The following RCC1L variants were observed in gnomAD, a reference collection of about 807,000 sequenced individuals.
RCC1L encodes RCC1-like G exchanging factor-like protein.
A neutral mutation model predicts 58.6 loss-of-function variants in RCC1L; 46 were observed. The ratio of observed to expected loss-of-function variants is 0.79; its 90% CI spans 0.62 to 1.00. RCC1L has a LOEUF of 1.00. Ranked by LOEUF, RCC1L falls within the 50% of genes least tolerant of loss-of-function variation. The pLI, the probability that RCC1L is intolerant of heterozygous loss-of-function variation, is 0.00. For missense variants in RCC1L, 636 were observed against 623.6 expected (o/e 1.02, Z -0.21); for synonymous variants, 281 against 262.9 (o/e 1.07, Z -0.67).
Position 75,053,291 on chromosome 7 carries a change from G to A in RCC1L, c.1232-495C>T, listed in dbSNP as rs1805977301. Among the ~76,000 whole-genome samples the A allele has an allele frequency of 2.0e-5, 3 of 151,558 alleles. No homozygotes were observed. In the South Asian group the frequency reaches 6.3e-4, roughly 32 times the overall value. ...CATGGAGCTGGGGTCTGGGGGTGGTGCACGGGGCTGGAGGTCACTGATGCA... is the reference window on the plus strand; with the variant it reads ...CATGGAGCTGGGGTCTGGGGGTGGTACACGGGGCTGGAGGTCACTGATGCA... On this transcript the variant is annotated intron_variant, in intron 9 of 10. Transcript: ENST00000610322.
At chr7:75,055,640 G>A (rs1314620298) in intron 9 of RCC1L, 2 of 508,854 alleles carry the variant, frequency 3.9e-6, no homozygotes, top group Non-Finnish European at 7.2e-6. Context: ...ACCGACGGGT[G>A]CTCTCTTGAG....
intron 10 of RCC1L, among the ~76,000 whole-genome samples, chr7:75,035,950 A>C (rs2131970046): frequency 6.6e-6 from 1 of 152,072 alleles, no homozygotes; most frequent in South Asian, 2.1e-4. Flanking sequence ...GGCCGCAAGG[A>C]GCTATGATCG....
At chr7:75,041,723 G>T (rs1584487882), downstream of RCC1L, among the ~76,000 whole-genome samples, 1 of 152,046 alleles carries the variant, frequency 6.6e-6, no homozygotes, top group Admixed American at 6.6e-5. Flanking sequence ...AATTAGCTGG[G>T]TGTGGTGGCG....
intron 4 of RCC1L, among the ~76,000 whole-genome samples, chr7:75,064,030 G>T (rs1244114325): frequency 2.0e-5 from 3 of 152,102 alleles, no homozygotes; most frequent in East Asian, 3.9e-4. Flanking sequence ...AACTTAATTT[G>T]TAAAAATTCA....
At position 75,042,929 on chromosome 7, in the gene RCC1L, G is replaced by A. The variant is rs1018788802; in HGVS notation, c.*103C>T. The A allele has an allele frequency of 2.6e-5, 41 of 1,585,712 alleles. No individual in the cohort carries two copies. Among genetic ancestry groups the A allele is most frequent in the Admixed American group, 9.0e-5 (5 of 55,408 alleles). On this transcript the variant is annotated 3_prime_UTR_variant, in exon 11 of 11. Coordinates refer to ENST00000610322, the MANE Select transcript of RCC1L (RefSeq NM_030798.5). Reference sequence around the variant, plus strand: ...CGTCACACTGCACGCAGGGTCCTCCGCCACCACCATCCAAGAACCCCGGGG... The same window carrying A: ...CGTCACACTGCACGCAGGGTCCTCCACCACCACCATCCAAGAACCCCGGGG...
rs1312789521 is a variant in RCC1L, at chr7:75,051,195, A to T, written c.1317+1516T>A. ...TTGGAAAAAATATATATATATATATATTTAATATATATAAACGTATAATAT... is the reference window on the plus strand; with the variant it reads ...TTGGAAAAAATATATATATATATATTTTTAATATATATAAACGTATAATAT... On this transcript the variant is annotated intron_variant, in intron 10 of 10. Coordinates refer to ENST00000610322, the MANE Select transcript of RCC1L (RefSeq NM_030798.5). 4.9e-4 allele frequency among the ~76,000 whole-genome samples: 71 copies of T among 146,136 alleles called. 1 individual carries two copies. Among genetic ancestry groups the T allele is most frequent in the South Asian group, 1.0e-3 (5 of 4,762 alleles).
In RCC1L at chr7:75,049,485, T is replaced by A. The variant is rs1040665053; in HGVS notation, c.1317+3226A>T. Among the ~76,000 whole-genome samples, 115 of 151,934 alleles carry A rather than the reference T, an allele frequency of 7.6e-4. No individual in the cohort carries two copies. In the Middle Eastern group the frequency reaches 0.01, roughly 13 times the overall value. ...AGATCAACACATAAGACCCCGTCTC[T>A]TAAAAAAAAAACGAAAAAAAAATTA... is the stretch of plus-strand genomic sequence containing the variant. On this transcript the variant is annotated intron_variant, in intron 10 of 10. Coordinates refer to ENST00000610322, the MANE Select transcript of RCC1L (RefSeq NM_030798.5).
At chr7:75,064,676 GT>G in intron 3 of RCC1L, 28 bp from the exon 4 acceptor site, 5 of 1,612,184 alleles carry the variant, frequency 3.1e-6, no homozygotes, top group Non-Finnish European at 4.2e-6. Context: ...AATCAAATCA[GT>G]TCTGCAGGTT....
In RCC1L at chr7:75,030,481, G is replaced by A. The variant is rs947946706; in HGVS notation, c.1318-2402C>T. The stretch of plus-strand genomic sequence containing the variant: ...CTTGTCAGAACTACTCTGGAGGGGG[G>A]CAAAGGTGTCAGGAACAGTTTGAGC... On this transcript the variant is annotated intron_variant, in intron 10 of 10. Transcript: ENST00000614461. Among the ~76,000 whole-genome samples, 278 of 152,296 alleles carry A rather than the reference G, an allele frequency of 1.8e-3. 2 individuals are homozygous for A. The highest frequency in any genetic ancestry group is 6.1e-3 in the African/African-American group (253 of 41,562).
At chr7:75,041,665 C>G (rs908189332), downstream of RCC1L, among the ~76,000 whole-genome samples, 5 of 151,876 alleles carry the variant, frequency 3.3e-5, no homozygotes, top group Non-Finnish European at 5.9e-5. Flanking sequence ...TCAAGACCAG[C>G]CTGGCCAACG....
intron 10 of RCC1L, among the ~76,000 whole-genome samples, chr7:75,033,114 G>C (rs984449880): frequency 2.0e-5 from 3 of 150,632 alleles, no homozygotes; most frequent in African/African-American, 7.3e-5. Flanking sequence ...ACTGGAGCCG[G>C]AACATCCATG....
intron 5 of RCC1L, 35 bp downstream of exon 5, chr7:75,063,257 A>G: frequency 6.2e-7 from 1 of 1,613,666 alleles, no homozygotes; most frequent in Non-Finnish European, 8.5e-7. Context: ...GCACCCCAGG[A>G]ACACAACAAG....
At chr7:75,048,968 C>CA (rs1187054551) in intron 10 of RCC1L, among the ~76,000 whole-genome samples, 1 of 152,028 alleles carries the variant, frequency 6.6e-6, no homozygotes, top group South Asian at 2.1e-4. Context: ...CAACGTGTAG[C>CA]AAAAAAACAT....
intron 3 of RCC1L, among the ~76,000 whole-genome samples, chr7:75,065,976 C>A (rs1461484242): frequency 6.6e-6 from 1 of 150,640 alleles, no homozygotes; most frequent in Admixed American, 6.7e-5. Context: ...CAAAATCACA[C>A]CAGTGCACTC....
In RCC1L at chr7:75,051,144, C is replaced by T. The variant is rs1016327615; in HGVS notation, c.1317+1567G>A. Among the ~76,000 whole-genome samples the T allele has an allele frequency of 6.0e-5, 9 of 148,772 alleles. 1 individual carries two copies. Among genetic ancestry groups the T allele is most frequent in the Non-Finnish European group, 1.2e-4 (8 of 67,520 alleles). On this transcript the variant is annotated intron_variant, in intron 10 of 10. Transcript: ENST00000610322. ...AAGTTAAAGTCTCCATTTCAACTTG[C>T]TTTCTCAGAGCCTCCACCGATAGTC... is the stretch of plus-strand genomic sequence containing the variant.
chr7:75,067,857 C>T (rs933393892), intron 2 of RCC1L, among the ~76,000 whole-genome samples: 6 of 151,558 alleles, frequency 4.0e-5, no homozygotes, highest in Non-Finnish European at 7.4e-5. Context: ...CTTACCCCCC[C>T]AAAAAATTAA....
At chr7:75,041,598 C>A (rs1357512900), downstream of RCC1L, among the ~76,000 whole-genome samples, 1 of 152,014 alleles carries the variant, frequency 6.6e-6, no homozygotes, top group Non-Finnish European at 1.5e-5. Context: ...GTGGCTCACA[C>A]CTGTAATCCC....
At chr7:75,063,684 C>G (rs905863933) in intron 4 of RCC1L, among the ~76,000 whole-genome samples, 1 of 152,000 alleles carries the variant, frequency 6.6e-6, no homozygotes, top group African/African-American at 2.4e-5. Context: ...TTTTAGAGGC[C>G]GAGGTGGGCG....
chr7:75,054,687 C>G (rs1414965330), intron 9 of RCC1L, among the ~76,000 whole-genome samples: 1 of 152,132 alleles, frequency 6.6e-6, no homozygotes, highest in Non-Finnish European at 1.5e-5. Context: ...GAGGCTGAGG[C>G]AGGAGAATCG....
Sources: gnomAD v4.1 joint callset for allele counts (sites outside exome capture counted in the v4.1 genomes callset) on GRCh38, gnomAD v4.1.1 for gene constraint, MANE v1.5 for transcripts, NCBI Gene and HGNC (gene_info 2026-07-23, HGNC 2026-07-21) for gene names.